Variants in FBXO5 observed in about 807,000 individuals in gnomAD.
FBXO5 encodes F-box only protein 5.
A neutral mutation model predicts 43.3 loss-of-function variants in FBXO5; 8 were observed. The observed-to-expected ratio is 0.18, with a 90% CI of 0.11 to 0.33. The LOEUF (loss-of-function observed/expected upper bound fraction) is 0.33. FBXO5 is among the 10% of genes least tolerant of loss of function. The pLI, the probability that FBXO5 is intolerant of heterozygous loss-of-function variation, is 1.00. For missense variants in FBXO5, 491 were observed against 535.7 expected (o/e 0.92, Z 0.82); for synonymous variants, 204 against 193.7 (o/e 1.05, Z -0.44).
intron 2 of FBXO5, chr6:152,973,766 G>C (rs1489119751): frequency 1.3e-5 from 2 of 152,282 alleles, no homozygotes; most frequent in Non-Finnish European, 2.9e-5. Flanking sequence ...GGAGGCAGAA[G>C]AATCACTTGA....
At chr6:152,971,558 A>C (rs1188350313) in intron 4 of FBXO5, 144 bp from the exon 5 acceptor site, 1 of 776,160 alleles carries the variant, frequency 1.3e-6, no homozygotes, top group African/African-American at 1.8e-5. Flanking sequence ...TGCCCTAACT[A>C]TTGCCCTTTA....
chr6:152,982,291 A>C (rs978662598), intron 1 of FBXO5, among the ~76,000 whole-genome samples: 12 of 152,122 alleles, frequency 7.9e-5, no homozygotes, highest in African/African-American at 2.7e-4. Context: ...CACGCGGAGG[A>C]GGCGGGAGAT....
At chr6:152,973,983 AAAC>A (rs1434429014) in intron 2 of FBXO5, 9 of 152,266 alleles carry the variant, frequency 5.9e-5, no homozygotes, top group Non-Finnish European at 8.8e-5. Flanking sequence ...AAAAAAAAAA[AAAC>A]AACTCCAGTT....
At position 152,982,815 on chromosome 6, in the gene FBXO5, C is replaced by T. The variant is rs779212608; in HGVS notation, c.103+42G>A. The stretch of plus-strand genomic sequence containing the variant: ...GCTGCGACCCTCCCCGTGCACCCCT[C>T]CTGGCGTGCGCGCCCCCCTCGCGAC... On this transcript the variant is annotated intron_variant, in intron 1 of 4. Transcript: ENST00000229758. 40 of 1,382,850 alleles carry T rather than the reference C, an allele frequency of 2.9e-5. No individual in the cohort carries two copies. In the Admixed American group the frequency reaches 9.1e-4, roughly 31 times the overall value. 85.7% of individuals were successfully genotyped at this position (1,382,850 alleles called of 1,614,324 possible). A position where few individuals can be genotyped will look rare whatever the true frequency, so the allele number is the denominator to read the frequency against.
At chr6:152,977,370 AT>A (rs1554229466) in intron 1 of FBXO5, among the ~76,000 whole-genome samples, 4 of 152,202 alleles carry the variant, frequency 2.6e-5, no homozygotes. Flanking sequence ...AAACTTAACC[AT>A]TTTTTACATA....
rs1562289340 is a variant in FBXO5, at chr6:152,971,183, T to G, written c.1324A>C (p.Lys442Gln). 6.2e-7 allele frequency: 1 copy of G among 1,607,092 alleles called. No individual in the cohort carries two copies. The highest frequency in any genetic ancestry group is 8.5e-7 in the Non-Finnish European group (1 of 1,178,110). ...GPLPGTKKSK[K>Q]NLRRL ...AGAGATCACAATCTTCGTAAATTCT[T>G]TTTGCTTTTCTTTGTACCAGGCAGG... is the stretch of plus-strand genomic sequence containing the variant. The change falls in exon 5 of 5, where the codon AAG becomes CAG. Residue 442 changes from lysine to glutamine, a missense_variant. Lys to Gln is a moderately conservative substitution (Grantham distance 53). Coordinates refer to ENST00000229758, the MANE Select transcript of FBXO5 (RefSeq NM_012177.5).
chr6:152,972,560 A>AACCT (rs1778103646), intron 3 of FBXO5, 106 bp from the exon 4 acceptor site: 1 of 822,712 alleles, frequency 1.2e-6, no homozygotes, highest in African/African-American at 1.7e-5. Context: ...AGATTAGGTA[A>AACCT]GAGACTTATC....
chr6:152,982,337 G>A (rs1778273719), intron 1 of FBXO5, among the ~76,000 whole-genome samples: 1 of 152,160 alleles, frequency 6.6e-6, no homozygotes, highest in African/African-American at 2.4e-5. Flanking sequence ...CGCCAGCAAG[G>A]CTGGGACCGC....
At chr6:152,973,903 C>T (rs1778123616) in intron 2 of FBXO5, 1 of 151,136 alleles carries the variant, frequency 6.6e-6, no homozygotes, top group African/African-American at 2.4e-5. Context: ...TTTGCTTTAG[C>T]TCTGTTTCAT....
intron 1 of FBXO5, among the ~76,000 whole-genome samples, chr6:152,976,734 C>G (rs1056824015): frequency 1.3e-5 from 2 of 152,100 alleles, no homozygotes; most frequent in Non-Finnish European, 2.9e-5. Flanking sequence ...TTATTACCAC[C>G]CTGCTCCAAC....
intron 1 of FBXO5, among the ~76,000 whole-genome samples, chr6:152,976,383 T>A (rs1319742636): frequency 1.3e-5 from 2 of 152,216 alleles, no homozygotes; most frequent in African/African-American, 4.8e-5. Context: ...CCTGGTGACC[T>A]TCTAATATAT....
Position 152,972,419 on chromosome 6 carries a change from G to T in FBXO5, c.945C>A (p.Thr315=), listed in dbSNP as rs1363645674. The T allele has an allele frequency of 6.2e-7, 1 of 1,606,432 alleles. No homozygotes were observed. The change falls in exon 4 of 5, where the codon ACC becomes ACA. Residue 315 remains threonine (T), a synonymous_variant. Transcript: ENST00000229758. The part of the protein sequence containing the change: ...NNNKFSPHAS[T]REYVMFRTPL... ...GGGTTCTGAACATAACATATTCTCTGGTTGAAGCATGAGGTGAAAATTTAT... is the reference window on the plus strand; with the variant it reads ...GGGTTCTGAACATAACATATTCTCTTGTTGAAGCATGAGGTGAAAATTTAT...
intron 1 of FBXO5, among the ~76,000 whole-genome samples, chr6:152,980,596 G>A (rs1232677493): frequency 1.3e-5 from 2 of 152,190 alleles, no homozygotes; most frequent in African/African-American, 4.8e-5. Flanking sequence ...GTAAGTAGAA[G>A]CAGAGAGAAT....
rs774759836 is a variant in FBXO5 at position 152,971,239 on chromosome 6, T to C, written c.1268A>G (p.Lys423Arg). 6.8e-6 allele frequency: 11 copies of C among 1,613,934 alleles called. No individual in the cohort carries two copies. Among genetic ancestry groups the C allele is most frequent in the African/African-American group, 1.3e-5 (1 of 74,930 alleles). The part of the protein sequence containing the change: ...YHTTKDCSDG[K>R]LLKASCKIGP... ...TATTTTACAACTGGCTTTGAGGAGC[T>C]TGCCATCTGAACAGTCTTTAGTAGT... Residue 423 changes from lysine (K) to arginine (R), a missense_variant, in exon 5 of 5, where the codon AAG becomes AGG. Physicochemically the swap from Lys to Arg is conservative, Grantham distance 26 (BLOSUM62 2). Coordinates refer to ENST00000229758, the MANE Select transcript of FBXO5 (RefSeq NM_012177.5).
chr6:152,982,447 C>A (rs1778277071), intron 1 of FBXO5, among the ~76,000 whole-genome samples: 1 of 151,966 alleles, frequency 6.6e-6, no homozygotes. Context: ...GCCCTGGGGG[C>A]TTCTCGCTCG....
At chr6:152,974,818 A>G (rs1778138294) in intron 2 of FBXO5, 89 bp downstream of exon 2, 1 of 1,018,124 alleles carries the variant, frequency 9.8e-7, no homozygotes, top group Non-Finnish European at 1.4e-6. Context: ...CAACCTGTAC[A>G]ACAGCCTTTG....
chr6:152,972,734 C>A, intron 3 of FBXO5: 1 of 463,576 alleles, frequency 2.2e-6, no homozygotes, highest in Non-Finnish European at 3.8e-6. Flanking sequence ...ACAGCTTTTC[C>A]AAATTTTCCA....
chr6:152,972,136 A>G, intron 4 of FBXO5, 136 bp downstream of exon 4: 1 of 532,578 alleles, frequency 1.9e-6, no homozygotes, highest in Non-Finnish European at 3.2e-6. Context: ...ATGATCATTA[A>G]TATCAGGTTT....
rs1778287851 is a variant in FBXO5 at position 152,982,923 on chromosome 6, G to A, written c.37C>T (p.Pro13Ser). The A allele has an allele frequency of 6.8e-7, 1 of 1,462,856 alleles. No homozygotes were observed. Among genetic ancestry groups the A allele is most frequent in the Non-Finnish European group, 9.0e-7 (1 of 1,115,292 alleles). The allele number at this position is 1,462,856 out of a possible 1,614,324, so 90.6% of individuals were successfully genotyped here. A position where few individuals can be genotyped will look rare whatever the true frequency, so the allele number is the denominator to read the frequency against. ...RRPCSCALRP[P>S]RCSCSASPSA... ...GGGCTGGCGCTGCAGGAGCAGCGGG[G>A]TGGCCGTAGGGCGCAGCTGCAGGGG... Residue 13 changes from proline to serine, a missense_variant, in exon 1 of 5, where the codon CCC becomes TCC. By Grantham distance (74) the Pro-to-Ser change is moderately conservative. Transcript: ENST00000229758.
Sources: gnomAD v4.1 joint callset for allele counts (sites outside exome capture counted in the v4.1 genomes callset) on GRCh38, gnomAD v4.1.1 for gene constraint, MANE v1.5 for transcripts, NCBI Gene and HGNC (gene_info 2026-07-23, HGNC 2026-07-21) for gene names.